Variants in CNTNAP2 observed in about 807,000 individuals in gnomAD.
CNTNAP2 encodes contactin-associated protein-like 2.
Under a neutral mutation model 155.2 loss-of-function variants are expected in CNTNAP2, and 98 were observed. The observed-to-expected ratio is 0.63, with a 90% CI of 0.54 to 0.75. CNTNAP2 has a LOEUF of 0.75. CNTNAP2 is among the 30% of genes least tolerant of loss of function. The probability of loss-of-function intolerance (pLI) is 0.00; values close to 1 mark genes in which losing one functional copy is unlikely to be tolerated. For missense variants in CNTNAP2, 1,727 were observed against 1,688.1 expected (o/e 1.02, Z -0.40); for synonymous variants, 651 against 631.2 (o/e 1.03, Z -0.47).
At chr7:148,002,417 G>A (rs895075539) in intron 15 of CNTNAP2, among the ~76,000 whole-genome samples, 21 of 151,876 alleles carry the variant, frequency 1.4e-4, no homozygotes, top group African/African-American at 1.9e-4. Flanking sequence ...AAAAAAATGC[G>A]CACTTTTATA....
intron 15 of CNTNAP2, among the ~76,000 whole-genome samples, chr7:148,087,954 A>T (rs777270177): frequency 1.3e-5 from 2 of 152,164 alleles, no homozygotes; most frequent in African/African-American, 4.8e-5. Flanking sequence ...ATGTGATTTT[A>T]TTGAAAATGA....
chr7:148,054,976 T>C (rs1007302131), intron 15 of CNTNAP2, among the ~76,000 whole-genome samples: 1 of 150,946 alleles, frequency 6.6e-6, no homozygotes, highest in South Asian at 2.1e-4. Flanking sequence ...TCTTCCTCCC[T>C]GGTTCAAGCG....
chr7:147,236,954 A>G (rs1358141397), intron 8 of CNTNAP2, among the ~76,000 whole-genome samples: 2 of 149,460 alleles, frequency 1.3e-5, no homozygotes, highest in African/African-American at 2.5e-5. Context: ...GGTAAAATTT[A>G]TACCCTTTGG....
At chr7:147,149,172 A>G (rs998161409) in intron 8 of CNTNAP2, among the ~76,000 whole-genome samples, 1 of 152,068 alleles carries the variant, frequency 6.6e-6, no homozygotes, top group African/African-American at 2.4e-5. Context: ...GGCCCATTTT[A>G]TGGAGTGCTG....
chr7:147,224,501 G>T (rs759619173), intron 8 of CNTNAP2, among the ~76,000 whole-genome samples: 2 of 152,072 alleles, frequency 1.3e-5, no homozygotes, highest in Non-Finnish European at 2.9e-5. Context: ...GTGTGCTACC[G>T]TAACAGTGTG....
chr7:146,621,992 T>C (rs917985223), intron 1 of CNTNAP2, among the ~76,000 whole-genome samples: 21 of 152,108 alleles, frequency 1.4e-4, no homozygotes, highest in Non-Finnish European at 3.1e-4. Flanking sequence ...CTCTTTTTAA[T>C]CAAATAATTT....
chr7:147,702,062 T>G (rs868387339), intron 13 of CNTNAP2, among the ~76,000 whole-genome samples: 31 of 142,494 alleles, frequency 2.2e-4, no homozygotes, highest in African/African-American at 6.4e-4. Context: ...TTGGTTTTTT[T>G]TTTTTTTTTT....
At position 146,381,044 on chromosome 7, in the gene CNTNAP2, C is replaced by T. The variant is rs201065837; in HGVS notation, c.97+264071C>T. On this transcript the variant is annotated intron_variant, in intron 1 of 23. Transcript: ENST00000361727. ...CGATCTCCTGACCTCGTGATCCGCC[C>T]GCCTCGGCCTCCCAAAGTGCTGGGA... Among the ~76,000 whole-genome samples the T allele has an allele frequency of 5.0e-4, 75 of 151,510 alleles. No individual in the cohort carries two copies. The East Asian group carries it at 9.4e-3, about 19-fold the overall frequency.
intron 13 of CNTNAP2, among the ~76,000 whole-genome samples, chr7:147,682,988 A>G (rs890885635): frequency 6.6e-6 from 1 of 151,922 alleles, no homozygotes; most frequent in African/African-American, 2.4e-5. Context: ...AACACGATGA[A>G]GGAATTAGGA....
At chr7:146,257,820 G>A (rs185919734) in intron 1 of CNTNAP2, among the ~76,000 whole-genome samples, 1 of 152,254 alleles carries the variant, frequency 6.6e-6, no homozygotes, top group African/African-American at 2.4e-5. Context: ...AAGAGGAAAT[G>A]GACAAATATT....
chr7:148,242,903 T>C (rs2116801393), intron 20 of CNTNAP2, among the ~76,000 whole-genome samples: 2 of 152,340 alleles, frequency 1.3e-5, no homozygotes, highest in Admixed American at 1.3e-4. Context: ...GGTCGCTTGG[T>C]GAGCTAATAA....
chr7:147,061,733 A>C (rs76402640), intron 4 of CNTNAP2, among the ~76,000 whole-genome samples: 7,773 of 151,016 alleles, frequency 0.051, no homozygotes, highest in African/African-American at 0.16. Flanking sequence ...TAATTATCCC[A>C]AAATAGCAAC....
chr7:148,032,607 A>T (rs1286140868), intron 15 of CNTNAP2, among the ~76,000 whole-genome samples: 1 of 152,126 alleles, frequency 6.6e-6, no homozygotes, highest in Non-Finnish European at 1.5e-5. Context: ...TCCCAACATG[A>T]CACCTTATTT....
intron 13 of CNTNAP2, among the ~76,000 whole-genome samples, chr7:147,854,086 C>T (rs1025516814): frequency 6.6e-6 from 1 of 152,146 alleles, no homozygotes; most frequent in Non-Finnish European, 1.5e-5. Flanking sequence ...TATGTGCTGA[C>T]AGCTTGTGTG....
chr7:148,268,379 C>A (rs185020472), intron 21 of CNTNAP2, among the ~76,000 whole-genome samples: 205 of 152,110 alleles, frequency 1.3e-3, no homozygotes, highest in Middle Eastern at 0.01. Context: ...ATAGACTGGG[C>A]GTGGCGGCTC....
At chr7:146,602,705 A>C (rs1259064903) in intron 1 of CNTNAP2, among the ~76,000 whole-genome samples, 1 of 152,188 alleles carries the variant, frequency 6.6e-6, no homozygotes, top group Non-Finnish European at 1.5e-5. Flanking sequence ...GAGGGTAAAA[A>C]ATATTATACT....
chr7:146,860,067 G>T (rs913199904), intron 3 of CNTNAP2, among the ~76,000 whole-genome samples: 16 of 152,162 alleles, frequency 1.1e-4, no homozygotes, highest in African/African-American at 3.9e-4. Context: ...AAAACAGAAT[G>T]ACATAAATAC....
intron 21 of CNTNAP2, among the ~76,000 whole-genome samples, chr7:148,333,756 A>T (rs918107098): frequency 2.0e-5 from 3 of 152,226 alleles, no homozygotes; most frequent in Admixed American, 2.0e-4. Context: ...AGATGCCACG[A>T]AGTCAGGTCT....
At chr7:147,632,672 G>T (rs550346862) in intron 12 of CNTNAP2, among the ~76,000 whole-genome samples, 42 of 152,270 alleles carry the variant, frequency 2.8e-4, no homozygotes, top group Middle Eastern at 6.8e-3. Flanking sequence ...TGGGTAGTGG[G>T]GTGCTGCTGT....
Sources: allele counts gnomAD v4.1 joint callset (sites outside exome capture counted in the v4.1 genomes callset), GRCh38; gene constraint gnomAD v4.1.1; transcripts MANE v1.5; gene names NCBI Gene and HGNC (gene_info 2026-07-23, HGNC 2026-07-21).